PRMT3: variants seen among roughly 807,000 people sequenced by gnomAD.
PRMT3 encodes protein arginine methyltransferase 3.
Under a neutral mutation model 71.9 loss-of-function variants are expected in PRMT3, and 62 were observed. That is an observed-to-expected ratio of 0.86 (90% CI 0.70 to 1.07). The LOEUF (loss-of-function observed/expected upper bound fraction) is 1.07, where lower values mean the gene tolerates loss of function less well. Ranked by LOEUF, PRMT3 falls within the 50% of genes least tolerant of loss-of-function variation. The pLI is 0.00. For synonymous variants in PRMT3, 213 were observed against 220.4 expected (o/e 0.97, Z 0.30); for missense variants, 663 against 643.0 (o/e 1.03, Z -0.34).
intron 9 of PRMT3, among the ~76,000 whole-genome samples, chr11:20,416,044 C>T (rs1426255882): frequency 6.6e-6 from 1 of 152,162 alleles, no homozygotes; most frequent in Non-Finnish European, 1.5e-5. Context: ...TAATGTTTCT[C>T]AAATGTGTCT....
intron 12 of PRMT3, 89 bp downstream of exon 12, chr11:20,462,256 G>T: frequency 1.9e-6 from 2 of 1,078,506 alleles, no homozygotes; most frequent in Non-Finnish European, 2.6e-6. Flanking sequence ...TTTTATATAT[G>T]GGCTTTCAAA....
In PRMT3 at chr11:20,452,144, G is replaced by C; in HGVS notation, c.1008G>C (p.Leu336=). ...IISEWMGYFL[L]FESMLDSVLY... ...TTTTTATGCAGGGCTATTTTCTTCT[G>C]TTTGAGTCTATGTTAGATTCTGTCC... The change falls in exon 11 of 16, where the codon CTG becomes CTC. Residue 336 remains leucine (L), a synonymous_variant. Coordinates refer to ENST00000331079, the MANE Select transcript of PRMT3 (RefSeq NM_005788.4). 1 of 1,607,340 alleles carries C rather than the reference G, an allele frequency of 6.2e-7. No homozygotes were observed. Among genetic ancestry groups the C allele is most frequent in the Non-Finnish European group, 8.5e-7 (1 of 1,174,756 alleles).
chr11:20,407,338 A>G (rs1849093175), intron 8 of PRMT3: 1 of 152,116 alleles, frequency 6.6e-6, no homozygotes, highest in Admixed American at 6.6e-5. Flanking sequence ...TTTCAAGTTG[A>G]GGTACTATAA....
At chr11:20,486,038 T>A (rs1019491889) in intron 13 of PRMT3, among the ~76,000 whole-genome samples, 1 of 152,122 alleles carries the variant, frequency 6.6e-6, no homozygotes, top group Admixed American at 6.5e-5. Flanking sequence ...CAAAAAAGAA[T>A]GAAACACGAT....
At chr11:20,473,411 G>A (rs908484001) in intron 13 of PRMT3, among the ~76,000 whole-genome samples, 2 of 152,038 alleles carry the variant, frequency 1.3e-5, no homozygotes, top group Admixed American at 6.6e-5. Flanking sequence ...CTGTGTCCCA[G>A]TGATTCTGGT....
chr11:20,463,911 T>G (rs1850446445), intron 12 of PRMT3, among the ~76,000 whole-genome samples: 2 of 152,216 alleles, frequency 1.3e-5, no homozygotes, highest in Admixed American at 1.3e-4. Flanking sequence ...ATCTCCATAG[T>G]TTTGCTGTTT....
In PRMT3 at chr11:20,392,965, G is replaced by A. The variant is rs774217385; in HGVS notation, c.366G>A (p.Lys122=). ...PVPWEKEEYL[K]PVLEDDLLLQ... The stretch of plus-strand genomic sequence containing the variant: ...CTTGGGAGAAAGAAGAGTATTTGAA[G>A]CCAGTATTAGAAGATGACCTTTTAC... The change falls in exon 5 of 16, where the codon AAG becomes AAA. Residue 122 remains lysine, a synonymous_variant. Transcript: ENST00000331079. 2 of 1,604,974 alleles carry A rather than the reference G, an allele frequency of 1.2e-6. No individual in the cohort carries two copies. The highest frequency in any genetic ancestry group is 1.7e-6 in the Non-Finnish European group (2 of 1,171,804).
chr11:20,394,126 A>G (rs1486162072), intron 5 of PRMT3, among the ~76,000 whole-genome samples: 2 of 152,234 alleles, frequency 1.3e-5, no homozygotes, highest in Non-Finnish European at 2.9e-5. Context: ...CTTCACAACT[A>G]AAAAATGAAT....
chr11:20,471,124 T>C (rs1445995896), intron 13 of PRMT3, among the ~76,000 whole-genome samples: 1 of 152,182 alleles, frequency 6.6e-6, no homozygotes, highest in Non-Finnish European at 1.5e-5. Context: ...TATTAGACCT[T>C]TGTCAGATGG....
At chr11:20,470,676 A>G (rs917199083) in intron 13 of PRMT3, among the ~76,000 whole-genome samples, 1 of 152,174 alleles carries the variant, frequency 6.6e-6, no homozygotes, top group African/African-American at 2.4e-5. Flanking sequence ...TGTCTTTGCC[A>G]TCATGAATAG....
intron 11 of PRMT3, among the ~76,000 whole-genome samples, chr11:20,458,846 T>C (rs1008236811): frequency 1.3e-5 from 2 of 152,240 alleles, no homozygotes; most frequent in African/African-American, 2.4e-5. Context: ...TGTTCTTCTT[T>C]AGTTTCTCTT....
At chr11:20,419,683 G>C (rs904444845) in intron 9 of PRMT3, among the ~76,000 whole-genome samples, 6 of 151,928 alleles carry the variant, frequency 3.9e-5, no homozygotes, top group Non-Finnish European at 7.4e-5. Context: ...CCTTTTTTTG[G>C]TATTCTCTTT....
At chr11:20,417,774 T>TCACACACA (rs34609751) in intron 9 of PRMT3, among the ~76,000 whole-genome samples, 171 of 149,440 alleles carry the variant, frequency 1.1e-3, no homozygotes, top group African/African-American at 4.1e-3. Flanking sequence ...TCTCTCTCTG[T>TCACACACA]CACACACACA....
intron 7 of PRMT3, among the ~76,000 whole-genome samples, chr11:20,398,060 C>T (rs368160580): frequency 1.4e-5 from 2 of 143,896 alleles, no homozygotes; most frequent in South Asian, 2.3e-4. Context: ...GTCATTTGTA[C>T]ATTCCATTTA....
At position 20,388,084 on chromosome 11, in the gene PRMT3, G is replaced by T. The variant is rs903471665; in HGVS notation, c.94G>T (p.Ala32Ser). Residue 32 changes from alanine to serine, a missense_variant, in exon 2 of 16, where the codon GCC becomes TCC. Ala to Ser is a moderately conservative substitution (Grantham distance 99). Coordinates refer to ENST00000331079, the MANE Select transcript of PRMT3 (RefSeq NM_005788.4). ...ACTGTCGGACAGCGGGGACGAGGCC[G>T]CCTGGGAGGATGAGGACGATGCAGA... ...PELSDSGDEA[A>S]WEDEDDADLP... 6 of 1,613,936 alleles carry T rather than the reference G, an allele frequency of 3.7e-6. No individual in the cohort carries two copies. Among genetic ancestry groups the T allele is most frequent in the Non-Finnish European group, 5.1e-6 (6 of 1,180,010 alleles).
In PRMT3 at chr11:20,389,780, T is replaced by A; in HGVS notation, c.201T>A (p.Cys67Ter). Residue 67 changes from cysteine (C) to a stop codon, truncating the protein, a stop_gained, in exon 3 of 16, where the codon TGT becomes TGA. Coordinates refer to ENST00000331079, the MANE Select transcript of PRMT3 (RefSeq NM_005788.4). LOFTEE classifies it high-confidence loss of function. ...FTSAEETFSH[C>*]KSEHQFNIDS... ...CTGCTGAAGAAACATTTTCACACTG[T>A]AAGTCTGAGCATCAGTTTAATATTG... is the stretch of plus-strand genomic sequence containing the variant. 1 of 1,612,588 alleles carries A rather than the reference T, an allele frequency of 6.2e-7. No individual in the cohort carries two copies. Among genetic ancestry groups the A allele is most frequent in the Non-Finnish European group, 8.5e-7 (1 of 1,178,754 alleles).
At chr11:20,423,281 G>A (rs1356373669) in intron 9 of PRMT3, among the ~76,000 whole-genome samples, 1 of 152,086 alleles carries the variant, frequency 6.6e-6, no homozygotes, top group Non-Finnish European at 1.5e-5. Context: ...CAAAGAGATT[G>A]TTGTTAGTTG....
At chr11:20,395,299 C>G (rs1271279862) in intron 5 of PRMT3, among the ~76,000 whole-genome samples, 2 of 151,728 alleles carry the variant, frequency 1.3e-5, no homozygotes, top group Non-Finnish European at 2.9e-5. Context: ...TAACAGCATG[C>G]TCTTTGAATT....
intron 5 of PRMT3, among the ~76,000 whole-genome samples, chr11:20,394,165 C>G (rs1848775352): frequency 6.6e-6 from 1 of 152,182 alleles, no homozygotes; most frequent in African/African-American, 2.4e-5. Context: ...ACATTTCTTC[C>G]AGTGCTATCC....
Sources: gnomAD v4.1 joint callset for allele counts (sites outside exome capture counted in the v4.1 genomes callset) on GRCh38, gnomAD v4.1.1 for gene constraint, MANE v1.5 for transcripts, NCBI Gene and HGNC (gene_info 2026-07-23, HGNC 2026-07-21) for gene names.